STRN: variants seen among roughly 807,000 people sequenced by gnomAD.
STRN encodes striatin.
In STRN, 53 loss-of-function variants were observed where a neutral mutation model predicts 96.3. That is an observed-to-expected ratio of 0.55 (90% CI 0.44 to 0.69). The LOEUF is 0.69. STRN is among the 30% of genes least tolerant of loss of function. STRN has a pLI of 0.00. For missense variants in STRN, 987 were observed against 963.9 expected (o/e 1.02, Z -0.32); for synonymous variants, 428 against 355.9 (o/e 1.20, Z -2.28).
chr2:36,954,611 G>A (rs1166079580), intron 1 of STRN, among the ~76,000 whole-genome samples: 1 of 148,918 alleles, frequency 6.7e-6, no homozygotes, highest in Non-Finnish European at 1.5e-5. Context: ...AAAAATAAAA[G>A]TATTTAAGGA....
intron 7 of STRN, among the ~76,000 whole-genome samples, chr2:36,891,455 G>A (rs1669395583): frequency 6.6e-6 from 1 of 152,132 alleles, no homozygotes; most frequent in African/African-American, 2.4e-5. Flanking sequence ...AATCCAGAAG[G>A]CGGAGATTTC....
intron 1 of STRN, among the ~76,000 whole-genome samples, chr2:36,929,653 G>C (rs1353603837): frequency 6.6e-6 from 1 of 152,154 alleles, no homozygotes; most frequent in Non-Finnish European, 1.5e-5. Context: ...TAAGCGCTGG[G>C]ATTACAGGTG....
intron 1 of STRN, among the ~76,000 whole-genome samples, chr2:36,928,321 G>C (rs1400529385): frequency 6.6e-6 from 1 of 151,646 alleles, no homozygotes; most frequent in Non-Finnish European, 1.5e-5. Context: ...AACAGCAAAA[G>C]GAAGAAAAAA....
chr2:36,891,918 T>C lies in STRN; in HGVS notation c.931+1980A>G, dbSNP rs149577917. ...GAAGGAAAAGGTATCTTACTTTTTT[T>C]CATTTTGGCTTTAGAACTCTTTCAT... On this transcript the variant is annotated intron_variant, in intron 7 of 17. Transcript: ENST00000263918. 1.7e-3 allele frequency among the ~76,000 whole-genome samples: 264 copies of C among 152,310 alleles called. 2 individuals carry two copies. Among genetic ancestry groups the C allele is most frequent in the Middle Eastern group, 6.8e-3 (2 of 294 alleles).
intron 2 of STRN, among the ~76,000 whole-genome samples, chr2:36,922,944 C>T (rs1670300812): frequency 6.6e-6 from 1 of 151,470 alleles, no homozygotes; most frequent in Non-Finnish European, 1.5e-5. Context: ...GAGATCGAGA[C>T]CATCCCAGTC....
intron 6 of STRN, among the ~76,000 whole-genome samples, chr2:36,898,835 A>T (rs1414617491): frequency 6.6e-6 from 1 of 152,200 alleles, no homozygotes; most frequent in Non-Finnish European, 1.5e-5. Context: ...ATGTCCTCAT[A>T]TCTTACTTTA....
chr2:36,883,798 C>T (rs1669140363), intron 9 of STRN, 134 bp downstream of exon 9: 1 of 872,282 alleles, frequency 1.1e-6, no homozygotes, highest in South Asian at 6.0e-5. Flanking sequence ...AGAAAGCTTG[C>T]ATTTGGGGAA....
chr2:36,886,705 T>A lies in STRN; in HGVS notation c.1042+11A>T, dbSNP rs771509195. On this transcript the variant is annotated intron_variant, in intron 8 of 17. Transcript: ENST00000263918. ...GATTTATGATTTACAGATACAATGT[T>A]TTCCACTTACTCTTCACCCCCTTTT... is the stretch of plus-strand genomic sequence containing the variant. 7 of 1,599,022 alleles carry A rather than the reference T, an allele frequency of 4.4e-6. No homozygotes were observed. Among genetic ancestry groups the A allele is most frequent in the Admixed American group, 1.7e-5 (1 of 58,414 alleles).
chr2:36,942,621 ATT>A (rs1670873519), intron 1 of STRN, among the ~76,000 whole-genome samples: 1 of 152,232 alleles, frequency 6.6e-6, no homozygotes. Flanking sequence ...ATACTGACCA[ATT>A]GACAATACCA....
rs115342697 is a variant in STRN at position 36,858,851 on chromosome 2, C to A, written c.1670-828G>T. Among the ~76,000 whole-genome samples, 307 of 152,322 alleles carry A rather than the reference C, an allele frequency of 2.0e-3. 1 individual carries two copies. Among genetic ancestry groups the A allele is most frequent in the African/African-American group, 7.0e-3 (290 of 41,558 alleles). ...TACCCAATTCTATCCCAGTCCTCAA[C>A]AGACAATGTTGAAAGTACAATAATT... On this transcript the variant is annotated intron_variant, in intron 13 of 17. Transcript: ENST00000263918.
chr2:36,861,669 A>G (rs1408032587), intron 12 of STRN, among the ~76,000 whole-genome samples: 1 of 152,144 alleles, frequency 6.6e-6, no homozygotes, highest in Non-Finnish European at 1.5e-5. Context: ...GTGCTAAATC[A>G]AGAGAAAAGG....
At chr2:36,927,669 TAAAAATATAA>T (rs951194908) in intron 1 of STRN, among the ~76,000 whole-genome samples, 2 of 151,954 alleles carry the variant, frequency 1.3e-5, no homozygotes, top group Non-Finnish European at 2.9e-5. Flanking sequence ...ATAAAAAAAT[TAAAAATATAA>T]AAAATAAAGT....
intron 12 of STRN, among the ~76,000 whole-genome samples, chr2:36,863,825 ATTTC>A (rs780782162): frequency 1.3e-5 from 2 of 151,990 alleles, no homozygotes; most frequent in Admixed American, 6.5e-5. Context: ...GTCATCTCTG[ATTTC>A]TTTGAGCAGT....
intron 15 of STRN, among the ~76,000 whole-genome samples, chr2:36,851,904 C>T (rs1216699861): frequency 6.6e-6 from 1 of 152,216 alleles, no homozygotes; most frequent in Non-Finnish European, 1.5e-5. Flanking sequence ...TTTGACAGAA[C>T]TAGGTTTGGA....
chr2:36,862,637 G>A (rs1049547269), intron 12 of STRN, among the ~76,000 whole-genome samples: 1 of 151,472 alleles, frequency 6.6e-6, no homozygotes, highest in Non-Finnish European at 1.5e-5. Flanking sequence ...TCTGTAATAA[G>A]TGATGATGAG....
At chr2:36,886,384 A>G (rs1022325134) in intron 8 of STRN, among the ~76,000 whole-genome samples, 2 of 152,164 alleles carry the variant, frequency 1.3e-5, no homozygotes, top group African/African-American at 2.4e-5. Context: ...TTGTCAATGA[A>G]AAAGAAAAAC....
At chr2:36,942,567 C>T (rs1362043793) in intron 1 of STRN, among the ~76,000 whole-genome samples, 1 of 152,082 alleles carries the variant, frequency 6.6e-6, no homozygotes, top group Non-Finnish European at 1.5e-5. Flanking sequence ...CTACTATAAG[C>T]GGGATCAACA....
chr2:36,846,387 T>TTTTTTATA lies in STRN; in HGVS notation c.*3068_*3069insTATAAAAA, dbSNP rs1314756009. ...CAAAACAGTAAAATGCACCTATGGT[T>TTTTTTATA]TATATATATATATATATATATATAT... On this transcript the variant is annotated 3_prime_UTR_variant, in exon 18 of 18. Transcript: ENST00000263918. The TTTTTTATA allele has an allele frequency of 3.8e-5, 3 of 78,342 alleles. No homozygotes were observed. Among genetic ancestry groups the TTTTTTATA allele is most frequent in the Non-Finnish European group, 6.5e-5 (3 of 46,196 alleles). The allele number at this position is 78,342 out of a possible 1,614,324, so 4.9% of individuals were successfully genotyped here.
rs555432653 is a variant in STRN at position 36,925,660 on chromosome 2, C to T, written c.235-452G>A. ...GGCCTGGTGGCACCTGTAATCCCAG[C>T]TACTCGGGAGGCTTAGGCAGGAGAA... On this transcript the variant is annotated intron_variant, in intron 1 of 17. Coordinates refer to ENST00000263918, the MANE Select transcript of STRN (RefSeq NM_003162.4). Among the ~76,000 whole-genome samples the T allele has an allele frequency of 2.0e-5, 3 of 152,196 alleles. No homozygotes were observed. The East Asian group carries it at 5.8e-4, about 29-fold the overall frequency.
Sources: allele counts gnomAD v4.1 joint callset (sites outside exome capture counted in the v4.1 genomes callset), GRCh38; gene constraint gnomAD v4.1.1; transcripts MANE v1.5; gene names NCBI Gene and HGNC (gene_info 2026-07-23, HGNC 2026-07-21).